The following PRDM16 variants were observed in gnomAD, a reference collection of about 807,000 sequenced individuals.
PRDM16 encodes histone-lysine N-methyltransferase PRDM16.
PRDM16 carries 23 observed loss-of-function variants against 110.6 expected under a neutral mutation model. That is an observed-to-expected ratio of 0.21 (90% CI 0.15 to 0.29). The LOEUF is 0.29. PRDM16 is among the 10% of genes least tolerant of loss of function. The pLI is 1.00. For missense variants in PRDM16, 1,615 were observed against 1,794.3 expected (o/e 0.90, Z 1.81); for synonymous variants, 799 against 781.8 (o/e 1.02, Z -0.37).
At chr1:3,398,900 G>A (rs545670747) in intron 5 of PRDM16, among the ~76,000 whole-genome samples, 2 of 152,310 alleles carry the variant, frequency 1.3e-5, no homozygotes, top group East Asian at 1.9e-4. Flanking sequence ...TTCAGGTAGT[G>A]AAGAAGACAC....
intron 4 of PRDM16, 64 bp from the exon 5 acceptor site, chr1:3,396,427 C>A: frequency 1.1e-6 from 1 of 911,854 alleles, no homozygotes; most frequent in Non-Finnish European, 1.8e-6. Context: ...TGAGTGTGCA[C>A]TGAGAGGCTC....
Position 3,412,644 on chromosome 1 carries a change from ACGG to A in PRDM16, c.2454_2456del (p.Gly819del). On this transcript the variant is annotated inframe_deletion, in exon 9 of 17. Transcript: ENST00000270722. ...GGCAGCCGGGCCCGTGCCAGCCAAA[ACGG>A]CGGCGGGCGGGAGCCCCGCAAGAAC... The A allele has an allele frequency of 6.4e-7, 1 of 1,557,726 alleles. No homozygotes were observed. Among genetic ancestry groups the A allele is most frequent in the Non-Finnish European group, 8.7e-7 (1 of 1,151,720 alleles).
At chr1:3,357,753 G>A (rs1324427619) in intron 3 of PRDM16, among the ~76,000 whole-genome samples, 1 of 152,210 alleles carries the variant, frequency 6.6e-6, no homozygotes, top group African/African-American at 2.4e-5. Context: ...TGACCCCCAG[G>A]GGACACTGGC....
intron 2 of PRDM16, among the ~76,000 whole-genome samples, chr1:3,200,554 G>A (rs926848638): frequency 6.6e-6 from 1 of 152,172 alleles, no homozygotes; most frequent in Admixed American, 6.5e-5. Flanking sequence ...GTGTTAGCCA[G>A]GATGGTCTCG....
At chr1:3,095,345 C>T (rs927016774) in intron 1 of PRDM16, among the ~76,000 whole-genome samples, 4 of 148,600 alleles carry the variant, frequency 2.7e-5, no homozygotes, top group Non-Finnish European at 5.9e-5. Flanking sequence ...GGTGTGTCTC[C>T]AGGGGTGCTG....
rs545462317 is a variant in PRDM16, at chr1:3,157,086, G to C, written c.38-29039G>C. ...CCGCCGGCCAGAACCAGCCGTGGCT[G>C]CCCAGTCGCCCAGATGGTGGTCCCA... is the stretch of plus-strand genomic sequence containing the variant. On this transcript the variant is annotated intron_variant, in intron 1 of 16. Transcript: ENST00000270722. The surrounding 1 kb of genome is among the most constrained non-coding windows in gnomAD (Gnocchi z 4.8). 6.6e-6 allele frequency among the ~76,000 whole-genome samples: 1 copy of C among 152,336 alleles called. No individual in the cohort carries two copies. The highest frequency in any genetic ancestry group is 1.9e-4 in the East Asian group (1 of 5,166).
chr1:3,079,526 A>T (rs968066075), intron 1 of PRDM16, among the ~76,000 whole-genome samples: 1 of 152,120 alleles, frequency 6.6e-6, no homozygotes, highest in South Asian at 2.1e-4. Context: ...GGCAGCAGCA[A>T]GCCGCATGGA....
intron 4 of PRDM16, among the ~76,000 whole-genome samples, chr1:3,395,539 A>G (rs1400774821): frequency 6.6e-6 from 1 of 152,016 alleles, no homozygotes; most frequent in Non-Finnish European, 1.5e-5. Context: ...AGAGTCTCAA[A>G]CACCCACATG....
intron 14 of PRDM16, among the ~76,000 whole-genome samples, chr1:3,428,489 C>T (rs981655413): frequency 5.3e-5 from 8 of 152,226 alleles, no homozygotes; most frequent in East Asian, 3.8e-4. Context: ...CGGCCTCAGA[C>T]GGACTCAGAC....
chr1:3,255,560 G>A lies in PRDM16; in HGVS notation c.438+11423G>A, dbSNP rs1479070611. Among the ~76,000 whole-genome samples the A allele has an allele frequency of 6.6e-6, 1 of 152,172 alleles. No individual in the cohort carries two copies. The highest frequency in any genetic ancestry group is 1.5e-5 in the Non-Finnish European group (1 of 68,026). On this transcript the variant is annotated intron_variant, in intron 3 of 16. Transcript: ENST00000270722. The surrounding 1 kb of genome is among the most constrained non-coding windows in gnomAD (Gnocchi z 4.7). ...ACAGTGGCACGGGGAGGGGGCGGGA[G>A]ACACAAGCCATCCCCTAACTCTGTG... is the stretch of plus-strand genomic sequence containing the variant.
At chr1:3,366,062 G>A (rs1038584560) in intron 3 of PRDM16, among the ~76,000 whole-genome samples, 1 of 152,216 alleles carries the variant, frequency 6.6e-6, no homozygotes, top group Non-Finnish European at 1.5e-5. Flanking sequence ...ACTGGCCTGT[G>A]GGGCCAGGGA....
At chr1:3,082,459 G>A (rs1642051721) in intron 1 of PRDM16, among the ~76,000 whole-genome samples, 1 of 152,216 alleles carries the variant, frequency 6.6e-6, no homozygotes, top group Non-Finnish European at 1.5e-5. Context: ...CAGCCTGCAG[G>A]GTCTGGGGAC....
At chr1:3,071,759 G>T (rs903698837) in intron 1 of PRDM16, among the ~76,000 whole-genome samples, 3 of 152,128 alleles carry the variant, frequency 2.0e-5, no homozygotes, top group Non-Finnish European at 4.4e-5. Flanking sequence ...CAGGGGCAAG[G>T]TCATGGTTAC....
chr1:3,109,276 G>T (rs1261629509), intron 1 of PRDM16, among the ~76,000 whole-genome samples: 1 of 152,104 alleles, frequency 6.6e-6, no homozygotes, highest in Non-Finnish European at 1.5e-5. Flanking sequence ...GCTGCCACCA[G>T]CTCCTTCGAC....
rs78412927 is a variant in PRDM16 at position 3,243,004 on chromosome 1, C to T, written c.388-1083C>T. 3.8e-3 allele frequency among the ~76,000 whole-genome samples: 577 copies of T among 152,332 alleles called. 3 individuals carry two copies. The highest frequency in any genetic ancestry group is 0.013 in the African/African-American group (536 of 41,576). On this transcript the variant is annotated intron_variant, in intron 2 of 16. Transcript: ENST00000270722. The surrounding 1 kb of genome is among the most constrained non-coding windows in gnomAD (Gnocchi z 5.5). Reference sequence around the variant, plus strand: ...ACTCTGGGATGGGTCACTGAGACGCCGCCACTCTGGAGTGCAGCCTGGTGG... The same window carrying T: ...ACTCTGGGATGGGTCACTGAGACGCTGCCACTCTGGAGTGCAGCCTGGTGG...
At chr1:3,114,254 GCACGCGCACACGTACACA>G (rs1167301635) in intron 1 of PRDM16, among the ~76,000 whole-genome samples, 2 of 117,340 alleles carry the variant, frequency 1.7e-5, no homozygotes, top group African/African-American at 6.7e-5. Flanking sequence ...ACATGCACAC[GCACGCGCACACGTACACA>G]CACGCACACA....
intron 1 of PRDM16, among the ~76,000 whole-genome samples, chr1:3,130,635 T>C (rs1307042252): frequency 6.6e-6 from 1 of 152,150 alleles, no homozygotes; most frequent in Non-Finnish European, 1.5e-5. Context: ...CTCTGCGCTT[T>C]CTGTAACTCG....
intron 2 of PRDM16, among the ~76,000 whole-genome samples, chr1:3,240,106 G>T (rs976166648): frequency 6.7e-6 from 1 of 149,028 alleles, no homozygotes; most frequent in Admixed American, 6.7e-5. Context: ...GAGAGGAGAG[G>T]AGGAGAAGAG....
intron 3 of PRDM16, among the ~76,000 whole-genome samples, chr1:3,270,706 C>T (rs1022997294): frequency 2.1e-5 from 3 of 143,392 alleles, no homozygotes; most frequent in East Asian, 2.1e-4. Flanking sequence ...AGGACAGTCC[C>T]GGAGGAGGAC....
Sources: allele counts gnomAD v4.1 joint callset (sites outside exome capture counted in the v4.1 genomes callset), GRCh38; gene constraint gnomAD v4.1.1; non-coding constraint Gnocchi (gnomAD v3.1); transcripts MANE v1.5; gene names NCBI Gene and HGNC (gene_info 2026-07-23, HGNC 2026-07-21).